Variants in ZNF385D observed in about 807,000 individuals in gnomAD.
The protein encoded by ZNF385D is zinc finger protein 659.
In ZNF385D, 15 loss-of-function variants were observed where a neutral mutation model predicts 35.8. The ratio of observed to expected loss-of-function variants is 0.42; its 90% CI spans 0.28 to 0.64. The LOEUF (loss-of-function observed/expected upper bound fraction) is 0.64, where lower values mean the gene tolerates loss of function less well. ZNF385D is among the 30% of genes least tolerant of loss of function. The pLI is 0.23. For synonymous variants in ZNF385D, 212 were observed against 186.8 expected (o/e 1.13, Z -1.10); for missense variants, 474 against 494.6 (o/e 0.96, Z 0.39).
At chr3:22,033,093 G>C (rs1455751425) in intron 3 of ZNF385D, among the ~76,000 whole-genome samples, 3 of 152,174 alleles carry the variant, frequency 2.0e-5, no homozygotes, top group East Asian at 1.9e-4. Flanking sequence ...CATGCTGCGA[G>C]GTCAAAGAGT....
intron 5 of ZNF385D, among the ~76,000 whole-genome samples, chr3:21,433,407 T>G (rs889577137): frequency 1.7e-4 from 26 of 152,204 alleles, no homozygotes; most frequent in Admixed American, 6.6e-5. Flanking sequence ...ATTATTCGGA[T>G]GCAAGGGAAA....
At chr3:21,598,185 A>G (rs2125753202) in intron 2 of ZNF385D, among the ~76,000 whole-genome samples, 1 of 152,314 alleles carries the variant, frequency 6.6e-6, no homozygotes, top group African/African-American at 2.4e-5. Context: ...CATCATTTTC[A>G]AAGACGGTAT....
At chr3:21,950,153 A>G (rs982133192) in intron 3 of ZNF385D, among the ~76,000 whole-genome samples, 30 of 151,776 alleles carry the variant, frequency 2.0e-4, no homozygotes, top group Non-Finnish European at 4.4e-5. Context: ...CAATGGTTGA[A>G]CTAATTTACA....
At chr3:21,602,460 G>A (rs1005059604) in intron 2 of ZNF385D, among the ~76,000 whole-genome samples, 8 of 150,882 alleles carry the variant, frequency 5.3e-5, no homozygotes, top group South Asian at 4.2e-4. Flanking sequence ...AAGTACTAGC[G>A]CAGGGTTAGT....
At chr3:21,535,831 A>G (rs2062022664) in intron 3 of ZNF385D, among the ~76,000 whole-genome samples, 1 of 151,992 alleles carries the variant, frequency 6.6e-6, no homozygotes, top group Admixed American at 6.6e-5. Flanking sequence ...GTCTAGCCAC[A>G]CTTATTTCTA....
intron 3 of ZNF385D, among the ~76,000 whole-genome samples, chr3:21,835,867 A>G (rs1695297096): frequency 6.6e-6 from 1 of 151,772 alleles, no homozygotes; most frequent in Admixed American, 6.6e-5. Context: ...TATATTCCAT[A>G]ATCCCTCATT....
At chr3:21,830,648 T>G (rs1289332059) in intron 3 of ZNF385D, among the ~76,000 whole-genome samples, 1 of 152,192 alleles carries the variant, frequency 6.6e-6, no homozygotes, top group Non-Finnish European at 1.5e-5. Flanking sequence ...GACCACATCT[T>G]CCTCACAGTA....
At chr3:21,736,650 CT>C (rs1559567072) in intron 1 of ZNF385D, among the ~76,000 whole-genome samples, 26 of 152,206 alleles carry the variant, frequency 1.7e-4, no homozygotes. Context: ...GCACCACTGC[CT>C]TTTTGAATAA....
At chr3:21,491,706 G>T (rs1468823140) in intron 4 of ZNF385D, among the ~76,000 whole-genome samples, 1 of 152,108 alleles carries the variant, frequency 6.6e-6, no homozygotes, top group African/African-American at 2.4e-5. Flanking sequence ...GTTGCCAATG[G>T]TTGCTTTCAT....
intron 2 of ZNF385D, among the ~76,000 whole-genome samples, chr3:22,288,337 G>A (rs1702130657): frequency 6.6e-6 from 1 of 151,728 alleles, no homozygotes; most frequent in African/African-American, 2.4e-5. Context: ...GTATATTTTT[G>A]GTCTTTTCTT....
At chr3:22,286,792 A>G (rs1702046715) in intron 2 of ZNF385D, among the ~76,000 whole-genome samples, 1 of 152,102 alleles carries the variant, frequency 6.6e-6, no homozygotes, top group Non-Finnish European at 1.5e-5. Flanking sequence ...TTTGTGGCTT[A>G]ACATATGATC....
At chr3:22,274,396 A>G (rs994495429) in intron 2 of ZNF385D, among the ~76,000 whole-genome samples, 2 of 152,020 alleles carry the variant, frequency 1.3e-5, no homozygotes, top group East Asian at 3.9e-4. Context: ...AATGATTCAT[A>G]GAAAACAACA....
intron 3 of ZNF385D, among the ~76,000 whole-genome samples, chr3:21,850,643 C>G (rs1223612043): frequency 6.6e-6 from 1 of 152,044 alleles, no homozygotes; most frequent in Non-Finnish European, 1.5e-5. Flanking sequence ...TATCCGGGAG[C>G]TAAAAGTTAG....
At chr3:21,886,294 T>C (rs901256937) in intron 3 of ZNF385D, among the ~76,000 whole-genome samples, 8 of 152,066 alleles carry the variant, frequency 5.3e-5, no homozygotes, top group Non-Finnish European at 1.0e-4. Context: ...ATAGTATAGA[T>C]GTGTCTTGTA....
At chr3:22,073,468 C>A (rs1576269299) in intron 3 of ZNF385D, among the ~76,000 whole-genome samples, 1 of 151,712 alleles carries the variant, frequency 6.6e-6, no homozygotes, top group South Asian at 2.1e-4. Flanking sequence ...GAAATTTAAT[C>A]TTTCCTGAAA....
Position 22,061,496 on chromosome 3 carries a change from A to G in ZNF385D, c.325+107321T>C, listed in dbSNP as rs181804098. 7.5e-3 allele frequency among the ~76,000 whole-genome samples: 1,142 copies of G among 152,130 alleles called. 14 individuals carry two copies. Among genetic ancestry groups the G allele is most frequent in the Non-Finnish European group, 9.2e-3 (623 of 68,026 alleles). ...GAGCAGCTAGAATCTCACTCTTAAA[A>G]GTATACCAGATTATGTCACTCTTTT... On this transcript the variant is annotated intron_variant, in intron 3 of 5. Coordinates refer to the ZNF385D transcript ENST00000494108.
chr3:21,860,352 G>C (rs1466327449), intron 3 of ZNF385D, among the ~76,000 whole-genome samples: 1 of 152,090 alleles, frequency 6.6e-6, no homozygotes, highest in Non-Finnish European at 1.5e-5. Flanking sequence ...AAGACAAGCA[G>C]TCAAAAAGAT....
Position 22,083,401 on chromosome 3 carries a change from G to C in ZNF385D, c.325+85416C>G, listed in dbSNP as rs573672520. On this transcript the variant is annotated intron_variant, in intron 3 of 5. Transcript: ENST00000494108. ...AGAAGACCTTAAATGACCTGATGGA[G>C]CTGAAAACCATGGCACAAGAACTAC... Among the ~76,000 whole-genome samples the C allele has an allele frequency of 8.5e-5, 13 of 152,316 alleles. No individual in the cohort carries two copies. The East Asian group carries it at 2.5e-3, about 29-fold the overall frequency.
chr3:21,573,458 T>G (rs2063394255), intron 2 of ZNF385D, among the ~76,000 whole-genome samples: 1 of 152,222 alleles, frequency 6.6e-6, no homozygotes, highest in Non-Finnish European at 1.5e-5. Context: ...CAACACCAAG[T>G]AATGTTGAAA....
Sources: allele counts gnomAD v4.1 joint callset (sites outside exome capture counted in the v4.1 genomes callset), GRCh38; gene constraint gnomAD v4.1.1; transcripts MANE v1.5; gene names NCBI Gene and HGNC (gene_info 2026-07-23, HGNC 2026-07-21).